SPATA13: variants seen among roughly 807,000 people sequenced by gnomAD.
SPATA13 encodes the protein spermatogenesis-associated protein 13.
SPATA13 carries 50 observed loss-of-function variants against 104.0 expected under a neutral mutation model. That is an observed-to-expected ratio of 0.48 (90% CI 0.38 to 0.61). SPATA13 has a LOEUF of 0.61. Ranked by LOEUF, SPATA13 falls within the 20% of genes least tolerant of loss-of-function variation. The probability of loss-of-function intolerance (pLI) is 0.00; values close to 1 mark genes in which losing one functional copy is unlikely to be tolerated. For missense variants in SPATA13, 1,524 were observed against 1,690.6 expected, an observed-to-expected ratio of 0.90 and a Z score of 1.73; for synonymous variants, 606 against 667.5, an observed-to-expected ratio of 0.91 and a Z score of 1.42.
intron 3 of SPATA13, among the ~76,000 whole-genome samples, chr13:24,079,419 A>C (rs1879436323): frequency 1.3e-5 from 2 of 152,210 alleles, no homozygotes; most frequent in South Asian, 4.1e-4. Flanking sequence ...ATTGCAGAGA[A>C]GTCAGAGATG....
intron 1 of SPATA13, among the ~76,000 whole-genome samples, chr13:24,216,765 T>C (rs1325910575): frequency 6.6e-6 from 1 of 152,180 alleles, no homozygotes; most frequent in Non-Finnish European, 1.5e-5. Flanking sequence ...ATGTTGTAAA[T>C]TATGGCTGGG....
intron 3 of SPATA13, among the ~76,000 whole-genome samples, chr13:24,090,108 ACTTC>A (rs2137789784): frequency 6.6e-6 from 1 of 151,816 alleles, no homozygotes; most frequent in African/African-American, 2.4e-5. Flanking sequence ...ATAGCACTGG[ACTTC>A]CTTTATTTTT....
intron 2 of SPATA13, among the ~76,000 whole-genome samples, chr13:24,004,319 G>A (rs868350470): frequency 3.9e-5 from 6 of 152,184 alleles, no homozygotes; most frequent in African/African-American, 1.2e-4. Context: ...ACCTATCTGC[G>A]CACTTTGAAC....
At chr13:24,032,002 G>A (rs1376666649) in intron 3 of SPATA13, among the ~76,000 whole-genome samples, 1 of 152,130 alleles carries the variant, frequency 6.6e-6, no homozygotes, top group Non-Finnish European at 1.5e-5. Flanking sequence ...CTTTAGTCAA[G>A]CTTCTGAATC....
chr13:24,228,324 C>T (rs1300133070), intron 2 of SPATA13, among the ~76,000 whole-genome samples: 7 of 152,036 alleles, frequency 4.6e-5, no homozygotes, highest in Non-Finnish European at 8.8e-5. Context: ...ACCATGTTAG[C>T]CAGGATGGTG....
intron 2 of SPATA13, among the ~76,000 whole-genome samples, chr13:23,984,096 G>T (rs17426978): frequency 0.26 from 39,913 of 152,214 alleles, 6,079 homozygotes; most frequent in Non-Finnish European, 0.34. Flanking sequence ...GGAACGTGTG[G>T]CAAGAACTCC....
intron 1 of SPATA13, among the ~76,000 whole-genome samples, chr13:24,208,824 C>G (rs966465297): frequency 6.6e-6 from 1 of 152,190 alleles, no homozygotes; most frequent in Non-Finnish European, 1.5e-5. Flanking sequence ...TCAGAAATTA[C>G]CGCACTTGGT....
At chr13:23,989,029 C>A (rs1875283960) in intron 2 of SPATA13, among the ~76,000 whole-genome samples, 1 of 152,066 alleles carries the variant, frequency 6.6e-6, no homozygotes, top group Non-Finnish European at 1.5e-5. Flanking sequence ...GGGGAGAGTC[C>A]AGTGCAGTAG....
intron 3 of SPATA13, among the ~76,000 whole-genome samples, chr13:24,134,020 T>C (rs1490831151): frequency 6.6e-6 from 1 of 152,136 alleles, no homozygotes. Context: ...CCAGAGGTTG[T>C]GCTAAGTGTG....
At chr13:24,086,228 A>T (rs1360680573) in intron 3 of SPATA13, among the ~76,000 whole-genome samples, 1 of 152,236 alleles carries the variant, frequency 6.6e-6, no homozygotes, top group African/African-American at 2.4e-5. Flanking sequence ...TAAACAACAA[A>T]TATCTTTTAG....
At chr13:24,302,559 C>T in intron 12 of SPATA13, 39 bp from the exon 13 acceptor site, 1 of 1,470,226 alleles carries the variant, frequency 6.8e-7, no homozygotes, top group Non-Finnish European at 9.1e-7. Context: ...AACAAGCGAC[C>T]CTCAGTCCCT....
At chr13:24,187,843 G>A (rs191846722) in intron 1 of SPATA13, among the ~76,000 whole-genome samples, 14 of 152,200 alleles carry the variant, frequency 9.2e-5, no homozygotes, top group Non-Finnish European at 1.5e-5. Context: ...TTGAAAGTAG[G>A]CCAATTAATA....
Position 24,223,139 on chromosome 13 carries a change from C to T in SPATA13, c.210C>T (p.Ala70=). The T allele has an allele frequency of 6.4e-7, 1 of 1,551,752 alleles. No homozygotes were observed. The highest frequency in any genetic ancestry group is 1.7e-4 in the Middle Eastern group (1 of 5,992). Residue 70 remains alanine (A), a synonymous_variant, in exon 2 of 13, where the codon GCC becomes GCT. Transcript: ENST00000382108. ...CCCAGGAAGCCAAACTCAGCCCAGCCAAGCTTGTGCGCCTCTTTTCCACCA... is the reference window on the plus strand; with the variant it reads ...CCCAGGAAGCCAAACTCAGCCCAGCTAAGCTTGTGCGCCTCTTTTCCACCA... ...TDTQEAKLSP[A]KLVRLFSTSR...
At chr13:24,172,248 C>T (rs997591089) in intron 1 of SPATA13, among the ~76,000 whole-genome samples, 1 of 152,168 alleles carries the variant, frequency 6.6e-6, no homozygotes, top group Non-Finnish European at 1.5e-5. Context: ...TGTTATTCTC[C>T]GATGATACTA....
At position 24,143,211 on chromosome 13, in the gene SPATA13, A is replaced by C. The variant is rs58570166; in HGVS notation, c.-111-79608A>C. Reference sequence around the variant, plus strand: ...GGTCCAAACCAGAGAAAGCCTGCAGACAAGGAGTCAGTGGGCAGGAAGCAG... The same window carrying C: ...GGTCCAAACCAGAGAAAGCCTGCAGCCAAGGAGTCAGTGGGCAGGAAGCAG... On this transcript the variant is annotated intron_variant, in intron 3 of 14. Transcript: ENST00000424834. 3.9e-3 allele frequency among the ~76,000 whole-genome samples: 587 copies of C among 152,326 alleles called. 4 individuals are homozygous for C. Among genetic ancestry groups the C allele is most frequent in the African/African-American group, 0.013 (544 of 41,580 alleles).
intron 3 of SPATA13, among the ~76,000 whole-genome samples, chr13:24,103,050 AC>A (rs941570962): frequency 6.6e-6 from 1 of 152,170 alleles, no homozygotes; most frequent in African/African-American, 2.4e-5. Flanking sequence ...ACAATTTTTT[AC>A]GAGGTAAAAT....
chr13:24,284,314 A>AT lies in SPATA13; in HGVS notation c.2301+47dup, dbSNP rs537098353. 819 of 1,582,060 alleles carry AT rather than the reference A, an allele frequency of 5.2e-4. 2 individuals carry two copies. The African/African-American group carries it at 9.6e-3, about 19-fold the overall frequency. On this transcript the variant is annotated intron_variant, in intron 5 of 12. Coordinates refer to ENST00000382108, the MANE Select transcript of SPATA13 (RefSeq NM_001166271.3). The stretch of plus-strand genomic sequence containing the variant: ...GACAGTAGTGGATACGGGATACCTG[A>AT]TTTTCAGGGTCCACAACCACTTCTG...
chr13:24,180,685 T>C (rs1868743022), intron 1 of SPATA13, among the ~76,000 whole-genome samples: 1 of 152,232 alleles, frequency 6.6e-6, no homozygotes, highest in South Asian at 2.1e-4. Flanking sequence ...AGTATATGTT[T>C]TATACTTCTC....
intron 3 of SPATA13, among the ~76,000 whole-genome samples, chr13:24,113,929 G>T (rs1172533016): frequency 1.3e-5 from 2 of 148,352 alleles, no homozygotes; most frequent in Non-Finnish European, 3.0e-5. Context: ...ACCAACAGAA[G>T]TATCAAGGAT....
Sources: allele counts gnomAD v4.1 joint callset (sites outside exome capture counted in the v4.1 genomes callset), GRCh38; gene constraint gnomAD v4.1.1; transcripts MANE v1.5; gene names NCBI Gene and HGNC (gene_info 2026-07-23, HGNC 2026-07-21).